Variants in TGFA observed in about 807,000 individuals in gnomAD.
The protein encoded by TGFA is transforming growth factor alpha.
A neutral mutation model predicts 21.7 loss-of-function variants in TGFA; 12 were observed. The observed-to-expected ratio is 0.55, with a 90% confidence interval of 0.35 to 0.90. TGFA has a LOEUF of 0.90. Among genes scored for constraint, TGFA ranks in the 40% least tolerant of loss-of-function variants. The probability of loss-of-function intolerance (pLI) is 0.01; values close to 1 mark genes in which losing one functional copy is unlikely to be tolerated. For missense variants in TGFA, 178 were observed against 210.8 expected (o/e 0.84, Z 0.96); for synonymous variants, 79 against 88.1 (o/e 0.90, Z 0.58).
At chr2:70,456,593 C>T (rs1670237572) in intron 3 of TGFA, 105 bp from the exon 4 acceptor site, 3 of 1,360,518 alleles carry the variant, frequency 2.2e-6, no homozygotes, top group Non-Finnish European at 3.0e-6. Flanking sequence ...GCAGGTAAAG[C>T]CCAAAGGGGC....
At chr2:70,512,501 C>T (rs918057072) in intron 2 of TGFA, among the ~76,000 whole-genome samples, 7 of 152,182 alleles carry the variant, frequency 4.6e-5, no homozygotes, top group East Asian at 1.9e-4. Flanking sequence ...TAATATGCAA[C>T]GCAGCAGGGG....
At chr2:70,522,981 T>C (rs186213899) in intron 1 of TGFA, among the ~76,000 whole-genome samples, 1 of 152,314 alleles carries the variant, frequency 6.6e-6, no homozygotes. Flanking sequence ...AGCTGTACCA[T>C]TGTTCAGTTG....
chr2:70,494,809 T>G (rs1432079148), intron 2 of TGFA, among the ~76,000 whole-genome samples: 1 of 152,222 alleles, frequency 6.6e-6, no homozygotes, highest in African/African-American at 2.4e-5. Context: ...AATTTGCTTA[T>G]TCTCTTATTG....
intron 2 of TGFA, among the ~76,000 whole-genome samples, chr2:70,497,354 C>T (rs1204692359): frequency 8.5e-5 from 13 of 152,174 alleles, no homozygotes. Context: ...TTCTTTGCAA[C>T]AAAGTATATG....
chr2:70,492,854 T>C (rs1671474289), intron 2 of TGFA, among the ~76,000 whole-genome samples: 1 of 152,202 alleles, frequency 6.6e-6, no homozygotes, highest in South Asian at 2.1e-4. Context: ...AAGGTGCCTT[T>C]CATGTTATTC....
At chr2:70,491,145 C>T (rs569720290) in intron 2 of TGFA, among the ~76,000 whole-genome samples, 13 of 152,310 alleles carry the variant, frequency 8.5e-5, no homozygotes, top group African/African-American at 3.1e-4. Context: ...GCTCCTATGG[C>T]CCCACCAGAA....
chr2:70,469,313 GTAAT>G (rs113121842), intron 2 of TGFA, among the ~76,000 whole-genome samples: 5,037 of 151,912 alleles, frequency 0.033, 246 homozygotes, highest in African/African-American at 0.1. Flanking sequence ...TGCCCTGCAG[GTAAT>G]TAATTAATTA....
Position 70,495,928 on chromosome 2 carries a change from T to A in TGFA, c.94+18931A>T, listed in dbSNP as rs1243827211. ...GTTTTCTTACTTGCACCCTACTGGC[T>A]ACTTTTAAGATTTCTAATAGGCATT... On this transcript the variant is annotated intron_variant, in intron 2 of 5. Coordinates refer to ENST00000295400, the MANE Select transcript of TGFA (RefSeq NM_003236.4). Among the ~76,000 whole-genome samples, 3 of 152,236 alleles carry A rather than the reference T, an allele frequency of 2.0e-5. No individual in the cohort carries two copies. In the East Asian group the frequency reaches 5.8e-4, roughly 29 times the overall value.
In TGFA at chr2:70,553,633, G is replaced by A. The variant is rs1456086961; in HGVS notation, c.40+95C>T. ...TACTCGCTTCTCTCCACTCTCCCAG[G>A]CGGGCGCAGAAACCCCCGGAAAGGG... On this transcript the variant is annotated intron_variant, in intron 1 of 5. Coordinates refer to ENST00000295400, the MANE Select transcript of TGFA (RefSeq NM_003236.4). 2.3e-6 allele frequency: 3 copies of A among 1,307,284 alleles called. No homozygotes were observed. The Admixed American group carries it at 1.2e-4, about 51-fold the overall frequency. 81.0% of individuals were successfully genotyped at this position (1,307,284 alleles called of 1,614,324 possible).
At chr2:70,541,397 C>A (rs868952204) in intron 1 of TGFA, among the ~76,000 whole-genome samples, 1 of 152,120 alleles carries the variant, frequency 6.6e-6, no homozygotes, top group South Asian at 2.1e-4. Flanking sequence ...AATGACTATA[C>A]AAATATCTGT....
At chr2:70,475,876 G>A (rs948216686) in intron 2 of TGFA, among the ~76,000 whole-genome samples, 2 of 151,826 alleles carry the variant, frequency 1.3e-5, no homozygotes, top group African/African-American at 2.4e-5. Flanking sequence ...GGAGGAGAGA[G>A]GCAGGTATGA....
At chr2:70,497,451 C>T (rs1671610718) in intron 2 of TGFA, among the ~76,000 whole-genome samples, 1 of 152,230 alleles carries the variant, frequency 6.6e-6, no homozygotes, top group Non-Finnish European at 1.5e-5. Flanking sequence ...ACAACCAGAC[C>T]TAACCCCATG....
At chr2:70,465,413 G>C (rs1670524032) in intron 3 of TGFA, among the ~76,000 whole-genome samples, 1 of 152,212 alleles carries the variant, frequency 6.6e-6, no homozygotes, top group Non-Finnish European at 1.5e-5. Flanking sequence ...CTCAGTGGCT[G>C]TGGGCTGGGG....
At chr2:70,464,030 T>C (rs1670479636) in intron 3 of TGFA, among the ~76,000 whole-genome samples, 1 of 152,200 alleles carries the variant, frequency 6.6e-6, no homozygotes, top group Admixed American at 6.5e-5. Flanking sequence ...TGCCTCTCCT[T>C]CTTTCTCTCC....
chr2:70,497,250 A>G (rs1553498481), intron 2 of TGFA, among the ~76,000 whole-genome samples: 1 of 152,218 alleles, frequency 6.6e-6, no homozygotes. Flanking sequence ...CTCTGAGAGT[A>G]TGTTACTATG....
In TGFA at chr2:70,450,800, G is replaced by T. The variant is rs2103649395; in HGVS notation, c.*59C>A. The T allele has an allele frequency of 6.3e-7, 1 of 1,591,868 alleles. No individual in the cohort carries two copies. Among genetic ancestry groups the T allele is most frequent in the African/African-American group, 1.3e-5 (1 of 74,822 alleles). On this transcript the variant is annotated 3_prime_UTR_variant, in exon 6 of 6. Transcript: ENST00000295400. ...GCATCTCTGGCAGTGCTGTCCTGAAGAAGCCTTTCTTTATTGATCTGCCAC... is the reference window on the plus strand; with the variant it reads ...GCATCTCTGGCAGTGCTGTCCTGAATAAGCCTTTCTTTATTGATCTGCCAC...
At chr2:70,498,821 A>G (rs1671649257) in intron 2 of TGFA, among the ~76,000 whole-genome samples, 1 of 152,212 alleles carries the variant, frequency 6.6e-6, no homozygotes, top group Admixed American at 6.5e-5. Context: ...TTCAACAGAC[A>G]TGCAAAACCA....
chr2:70,553,005 G>A (rs1673562311), intron 1 of TGFA, among the ~76,000 whole-genome samples: 1 of 152,220 alleles, frequency 6.6e-6, no homozygotes, highest in Non-Finnish European at 1.5e-5. Flanking sequence ...CGACCCGGGA[G>A]AGGGGTTTAA....
intron 3 of TGFA, among the ~76,000 whole-genome samples, chr2:70,458,268 C>T (rs1232140953): frequency 6.6e-6 from 1 of 152,200 alleles, no homozygotes; most frequent in Non-Finnish European, 1.5e-5. Flanking sequence ...TTAGGCAGTG[C>T]ATAAATCTAA....
Sources: gnomAD v4.1 joint callset for allele counts (sites outside exome capture counted in the v4.1 genomes callset) on GRCh38, gnomAD v4.1.1 for gene constraint, MANE v1.5 for transcripts, NCBI Gene and HGNC (gene_info 2026-07-23, HGNC 2026-07-21) for gene names.